The following EMILIN2 variants were observed in gnomAD, a reference collection of about 807,000 sequenced individuals.
EMILIN2 encodes the protein elastin microfibril interfacer 2, also known as EMILIN-2.
A neutral mutation model predicts 87.1 loss-of-function variants in EMILIN2; 71 were observed. The observed-to-expected ratio is 0.82, with a 90% CI of 0.67 to 0.99. The LOEUF (loss-of-function observed/expected upper bound fraction) is 0.99, where lower values mean the gene tolerates loss of function less well. Among genes scored for constraint, EMILIN2 ranks in the 50% least tolerant of loss-of-function variants. The pLI is 0.00. For missense variants in EMILIN2, 1,407 were observed against 1,371.8 expected, an observed-to-expected ratio of 1.03 and a Z score of -0.40; for synonymous variants, 581 against 563.4, an observed-to-expected ratio of 1.03 and a Z score of -0.44.
intron 4 of EMILIN2, among the ~76,000 whole-genome samples, chr18:2,895,521 G>T (rs926526184): frequency 6.6e-6 from 1 of 152,164 alleles, no homozygotes; most frequent in Non-Finnish European, 1.5e-5. Context: ...TTGGCTCAGC[G>T]GTTCTTCTGC....
chr18:2,846,300 T>C (rs370561593), upstream of EMILIN2, among the ~76,000 whole-genome samples: 130 of 152,318 alleles, frequency 8.5e-4, no homozygotes, highest in African/African-American at 2.5e-3. This position sits in a 1 kb window ranked among gnomAD's most constrained non-coding sequence, Gnocchi z 5.3. Flanking sequence ...TTAGTTTCAA[T>C]AGAAAAAGAA....
intron 4 of EMILIN2, among the ~76,000 whole-genome samples, chr18:2,901,258 C>G (rs1231604556): frequency 6.6e-6 from 1 of 152,188 alleles, no homozygotes; most frequent in African/African-American, 2.4e-5. Flanking sequence ...CAGGGCCAAC[C>G]CTTTCCCCAG....
At chr18:2,878,066 G>A (rs1349048744) in intron 2 of EMILIN2, among the ~76,000 whole-genome samples, 1 of 152,208 alleles carries the variant, frequency 6.6e-6, no homozygotes, top group Non-Finnish European at 1.5e-5. Context: ...GGGAGATGGT[G>A]TTTAATGGGA....
chr18:2,875,088 C>T (rs1284103914), intron 2 of EMILIN2, among the ~76,000 whole-genome samples: 1 of 152,134 alleles, frequency 6.6e-6, no homozygotes, highest in African/African-American at 2.4e-5. Flanking sequence ...TGACCAAAGT[C>T]CTTGAAGAGG....
rs568859666 is a variant in EMILIN2 at position 2,896,278 on chromosome 18, C to T, written c.2359+3792C>T. Among the ~76,000 whole-genome samples, 47 of 152,124 alleles carry T rather than the reference C, an allele frequency of 3.1e-4. 2 individuals are homozygous for T. In the South Asian group the frequency reaches 5.6e-3, roughly 18 times the overall value. ...GCAACCTCCGCCTCCCGGGTTCAAG[C>T]GATTCTCCTGCCTCAGCCTCCCAAG... On this transcript the variant is annotated intron_variant, in intron 4 of 7. Transcript: ENST00000254528.
chr18:2,911,614 A>G (rs1006390119), intron 7 of EMILIN2, among the ~76,000 whole-genome samples: 2 of 152,188 alleles, frequency 1.3e-5, no homozygotes, highest in African/African-American at 4.8e-5. Flanking sequence ...TAGTTGGGGT[A>G]GGGGCTCTCC....
At chr18:2,858,942 C>T (rs1004801653) in intron 2 of EMILIN2, among the ~76,000 whole-genome samples, 4 of 152,048 alleles carry the variant, frequency 2.6e-5, no homozygotes, top group Non-Finnish European at 5.9e-5. Flanking sequence ...GGCCCTATAC[C>T]ACAGTTTCTT....
chr18:2,897,880 G>A (rs2076870882), intron 4 of EMILIN2, among the ~76,000 whole-genome samples: 1 of 144,188 alleles, frequency 6.9e-6, no homozygotes, highest in African/African-American at 2.6e-5. Flanking sequence ...AAAAAAAAAA[G>A]CCTAGAGATC....
intron 3 of EMILIN2, among the ~76,000 whole-genome samples, chr18:2,886,573 C>T (rs773921227): frequency 7.2e-5 from 11 of 152,202 alleles, no homozygotes; most frequent in Non-Finnish European, 1.3e-4. Flanking sequence ...ATCCACTCCT[C>T]AACACATGGC....
intron 2 of EMILIN2, among the ~76,000 whole-genome samples, chr18:2,869,786 T>TTGTGTGTGTGTGTGTGTGTGTGTGTG (rs777623155): frequency 1.7e-5 from 1 of 59,068 alleles, no homozygotes; most frequent in African/African-American, 5.9e-5. Context: ...GTGTGTGTGT[T>TTGTGTGTGTGTGTGTGTGTGTGTGTG]TGTGTGTGTG....
chr18:2,855,683 C>T (rs533898504), intron 2 of EMILIN2, among the ~76,000 whole-genome samples: 1 of 152,240 alleles, frequency 6.6e-6, no homozygotes, highest in South Asian at 2.1e-4. Context: ...GAAGAGGAGA[C>T]AGAAGAGTTG....
At chr18:2,875,670 G>A (rs1007317051) in intron 2 of EMILIN2, among the ~76,000 whole-genome samples, 2 of 121,786 alleles carry the variant, frequency 1.6e-5, no homozygotes, top group African/African-American at 6.5e-5. Context: ...GCATGCATGA[G>A]CTATATTTCA....
intron 2 of EMILIN2, among the ~76,000 whole-genome samples, chr18:2,854,285 G>A (rs74743041): frequency 0.013 from 2,004 of 152,206 alleles, 42 homozygotes; most frequent in African/African-American, 0.045. Flanking sequence ...CTTACCAGTC[G>A]GGGGAGGGAT....
At chr18:2,855,940 A>G (rs2076624896) in intron 2 of EMILIN2, among the ~76,000 whole-genome samples, 1 of 152,216 alleles carries the variant, frequency 6.6e-6, no homozygotes, top group Non-Finnish European at 1.5e-5. Flanking sequence ...ATTGCCTCAC[A>G]GGTGATTTTA....
chr18:2,908,921 C>A (rs766020939), intron 5 of EMILIN2, 22 bp from the exon 6 acceptor site: 1 of 1,613,762 alleles, frequency 6.2e-7, no homozygotes, highest in Non-Finnish European at 8.5e-7. Flanking sequence ...GTTTGACATG[C>A]CATTTCCTTT....
chr18:2,859,387 A>T (rs1181952666), intron 2 of EMILIN2, among the ~76,000 whole-genome samples: 1 of 152,004 alleles, frequency 6.6e-6, no homozygotes, highest in African/African-American at 2.4e-5. Flanking sequence ...TTGTCCATTC[A>T]TGTCCTTAGC....
intron 7 of EMILIN2, among the ~76,000 whole-genome samples, chr18:2,912,327 C>T (rs1396050448): frequency 3.3e-5 from 5 of 152,138 alleles, no homozygotes; most frequent in Admixed American, 6.5e-5. Context: ...AGGCGTGAGC[C>T]ACCACGCATG....
chr18:2,856,304 A>G (rs1035799611), intron 2 of EMILIN2, among the ~76,000 whole-genome samples: 4 of 152,198 alleles, frequency 2.6e-5, no homozygotes, highest in Non-Finnish European at 5.9e-5. Context: ...TCTTTGGGGA[A>G]ATGCACATAA....
At position 2,913,328 on chromosome 18, in the gene EMILIN2, T is replaced by G. The variant is rs1208008011; in HGVS notation, c.3086T>G (p.Leu1029Arg). 1 of 1,612,836 alleles carries G rather than the reference T, an allele frequency of 6.2e-7. No individual in the cohort carries two copies. The highest frequency in any genetic ancestry group is 1.1e-5 in the South Asian group (1 of 90,944). The change falls in exon 8 of 8, where the codon CTG (leucine) becomes CGG (arginine). Residue 1029 changes from leucine (L) to arginine (R), a missense_variant. Leu to Arg is a moderately radical substitution (Grantham distance 102). Coordinates refer to ENST00000254528, the MANE Select transcript of EMILIN2 (RefSeq NM_032048.3). ...AVNVVVTGGK[L>R]AHTDFDEMYS... ...AACGTCGTGGTGACTGGGGGCAAGCTGGCTCACACAGACTTTGATGAAATG... is the reference window on the plus strand; with the variant it reads ...AACGTCGTGGTGACTGGGGGCAAGCGGGCTCACACAGACTTTGATGAAATG...
Sources: gnomAD v4.1 joint callset for allele counts (sites outside exome capture counted in the v4.1 genomes callset) on GRCh38, gnomAD v4.1.1 for gene constraint, Gnocchi (gnomAD v3.1) non-coding constraint, MANE v1.5 for transcripts, NCBI Gene and HGNC (gene_info 2026-07-23, HGNC 2026-07-21) for gene names.